RIMS1: variants seen among roughly 807,000 people sequenced by gnomAD.
RIMS1 encodes the protein regulating synaptic membrane exocytosis protein 1.
In RIMS1, 83 loss-of-function variants were observed where a neutral mutation model predicts 214.1. That is an observed-to-expected ratio of 0.39 (90% CI 0.32 to 0.47). RIMS1 has a LOEUF of 0.47. Ranked by LOEUF, RIMS1 falls within the 20% of genes least tolerant of loss-of-function variation. RIMS1 has a pLI of 0.99. For missense variants in RIMS1, 2,050 were observed against 2,161.8 expected (o/e 0.95, Z 1.03); for synonymous variants, 793 against 786.8 (o/e 1.01, Z -0.13).
intron 1 of RIMS1, among the ~76,000 whole-genome samples, chr6:71,895,639 A>T (rs985183252): frequency 7.4e-6 from 1 of 134,436 alleles, no homozygotes; most frequent in Non-Finnish European, 1.5e-5. Flanking sequence ...GTGCCTCTGC[A>T]CTCCAGCCTG....
chr6:71,940,601 C>T (rs1161331215), intron 1 of RIMS1, among the ~76,000 whole-genome samples: 4 of 152,108 alleles, frequency 2.6e-5, no homozygotes, highest in African/African-American at 9.7e-5. Flanking sequence ...AGGGTTAAAA[C>T]TATTGCAATA....
At chr6:72,353,809 CTATT>C (rs2097542129) in intron 29 of RIMS1, among the ~76,000 whole-genome samples, 1 of 152,160 alleles carries the variant, frequency 6.6e-6, no homozygotes, top group South Asian at 2.1e-4. Context: ...TTTATCAACA[CTATT>C]TAATCTTTAA....
chr6:72,193,419 A>C (rs1275880888), intron 6 of RIMS1, among the ~76,000 whole-genome samples: 1 of 152,262 alleles, frequency 6.6e-6, no homozygotes, highest in Non-Finnish European at 1.5e-5. Flanking sequence ...TAAAGTGGTC[A>C]TCCTACTCTA....
chr6:71,990,295 T>C (rs2151592049), intron 2 of RIMS1, among the ~76,000 whole-genome samples: 1 of 152,310 alleles, frequency 6.6e-6, no homozygotes, highest in Non-Finnish European at 1.5e-5. Flanking sequence ...GCAGCTCATT[T>C]ACAATGCACT....
At chr6:71,983,011 C>T (rs1458636052) in intron 2 of RIMS1, among the ~76,000 whole-genome samples, 1 of 151,992 alleles carries the variant, frequency 6.6e-6, no homozygotes, top group Non-Finnish European at 1.5e-5. Flanking sequence ...GAGCTTTTGC[C>T]ACTGCTTGTT....
chr6:72,331,645 G>A (rs1052224908), intron 28 of RIMS1, among the ~76,000 whole-genome samples: 4 of 151,780 alleles, frequency 2.6e-5, no homozygotes, highest in African/African-American at 9.7e-5. Flanking sequence ...TACTTATCAG[G>A]AAAGAAAGTC....
intron 4 of RIMS1, among the ~76,000 whole-genome samples, chr6:72,122,845 C>A (rs1299619045): frequency 6.6e-6 from 1 of 151,644 alleles, no homozygotes; most frequent in Non-Finnish European, 1.5e-5. Context: ...TTTTTTATTG[C>A]ATATATTTGA....
intron 27 of RIMS1, among the ~76,000 whole-genome samples, chr6:72,308,912 T>C (rs1310260922): frequency 6.6e-6 from 1 of 152,226 alleles, no homozygotes; most frequent in Middle Eastern, 3.2e-3. Context: ...GTTTTTGTTT[T>C]CTTACTACAA....
intron 27 of RIMS1, 116 bp from the exon 28 acceptor site, chr6:72,313,390 A>G: frequency 1.3e-6 from 1 of 763,320 alleles, no homozygotes; most frequent in Middle Eastern, 3.2e-4. Context: ...TATTACAGCT[A>G]CTCTTATGAA....
At chr6:72,192,582 G>A (rs1331339011) in intron 6 of RIMS1, among the ~76,000 whole-genome samples, 4 of 152,152 alleles carry the variant, frequency 2.6e-5, no homozygotes, top group South Asian at 4.1e-4. Flanking sequence ...TGCAGTAGGC[G>A]TCCTATCAAT....
intron 29 of RIMS1, among the ~76,000 whole-genome samples, 186 bp from the exon 30 acceptor site, chr6:72,390,412 C>A (rs748870854): frequency 1.3e-5 from 2 of 152,180 alleles, no homozygotes; most frequent in Non-Finnish European, 2.9e-5. Flanking sequence ...TCCAGTGGTA[C>A]TCCCCTTAGC....
At chr6:72,038,026 T>G (rs1217252561) in intron 2 of RIMS1, among the ~76,000 whole-genome samples, 3 of 136,658 alleles carry the variant, frequency 2.2e-5, no homozygotes, top group South Asian at 2.5e-4. Context: ...TAACCTATGA[T>G]CCCAGCCTCT....
At chr6:72,243,030 A>G (rs1357398941) in intron 10 of RIMS1, among the ~76,000 whole-genome samples, 1 of 151,788 alleles carries the variant, frequency 6.6e-6, no homozygotes, top group African/African-American at 2.4e-5. Context: ...TTTTCTATGT[A>G]TGTATATAGA....
intron 2 of RIMS1, among the ~76,000 whole-genome samples, chr6:72,095,142 T>A (rs796168785): frequency 8.7e-5 from 13 of 148,614 alleles, no homozygotes; most frequent in African/African-American, 3.2e-4. Context: ...TTTTTGTATT[T>A]TTAGTAGAGG....
At chr6:72,366,683 G>A (rs756151739) in intron 29 of RIMS1, 3 of 984,940 alleles carry the variant, frequency 3.0e-6, no homozygotes, top group Non-Finnish European at 3.6e-6. Context: ...AGAGAGTGTC[G>A]GAGGGTGAGG....
At chr6:72,382,510 CTA>C (rs1173970490) in intron 29 of RIMS1, among the ~76,000 whole-genome samples, 1 of 152,148 alleles carries the variant, frequency 6.6e-6, no homozygotes, top group Non-Finnish European at 1.5e-5. Context: ...GTAATACAAA[CTA>C]CACACAATTG....
intron 29 of RIMS1, among the ~76,000 whole-genome samples, chr6:72,372,148 C>A (rs981809778): frequency 6.6e-6 from 1 of 152,112 alleles, no homozygotes; most frequent in Non-Finnish European, 1.5e-5. Context: ...AGAATCAGAC[C>A]TCATAATCTG....
intron 1 of RIMS1, among the ~76,000 whole-genome samples, chr6:71,891,514 A>G (rs1389247508): frequency 6.6e-6 from 1 of 152,172 alleles, no homozygotes; most frequent in East Asian, 1.9e-4. Flanking sequence ...ACACAAATAT[A>G]ATACTGTGGC....
At position 72,317,389 on chromosome 6, in the gene RIMS1, G is replaced by A. The variant is rs2095862429; in HGVS notation, c.4130+3717G>A. 1.4e-5 allele frequency: 3 copies of A among 213,090 alleles called. No homozygotes were observed. In the South Asian group the frequency reaches 3.5e-4, roughly 25 times the overall value. 13.2% of individuals were successfully genotyped at this position (213,090 alleles called of 1,614,324 possible). A position where few individuals can be genotyped will look rare whatever the true frequency, so the allele number is the denominator to read the frequency against. ...GAAGTTGCCCTTGGCCTGGAGCTTT[G>A]CAGGGTCCACAACTATACATTTAGT... On this transcript the variant is annotated intron_variant, in intron 28 of 33. Transcript: ENST00000521978.
Sources: allele counts gnomAD v4.1 joint callset (sites outside exome capture counted in the v4.1 genomes callset), GRCh38; gene constraint gnomAD v4.1.1; transcripts MANE v1.5; gene names NCBI Gene and HGNC (gene_info 2026-07-23, HGNC 2026-07-21).